BCAS3: variants seen among roughly 807,000 people sequenced by gnomAD.
BCAS3 encodes BCAS4/BCAS3 fusion.
BCAS3 carries 53 observed loss-of-function variants against 116.1 expected under a neutral mutation model. The ratio of observed to expected loss-of-function variants is 0.46; its 90% CI spans 0.37 to 0.57. BCAS3 has a LOEUF of 0.57. BCAS3 is among the 20% of genes least tolerant of loss of function. BCAS3 has a pLI of 0.00. For missense variants in BCAS3, 917 were observed against 1,165.4 expected (o/e 0.79, Z 3.10); for synonymous variants, 391 against 408.2 (o/e 0.96, Z 0.51).
intron 6 of BCAS3, among the ~76,000 whole-genome samples, chr17:60,755,043 A>C (rs567273460): frequency 6.6e-6 from 1 of 152,296 alleles, no homozygotes; most frequent in South Asian, 2.1e-4. Context: ...TAACTTGAGA[A>C]CATATGTTGT....
At chr17:60,753,170 A>G (rs953018083) in intron 6 of BCAS3, among the ~76,000 whole-genome samples, 4 of 152,118 alleles carry the variant, frequency 2.6e-5, no homozygotes, top group Non-Finnish European at 4.4e-5. Flanking sequence ...ATTACTAGGG[A>G]AGATAGAAAA....
rs191201076 is a variant in BCAS3, at chr17:61,109,050, G to A, written c.2425+24486G>A. ...AAAATACAAAAATGAGCTGGGCGTGGTAGTACATGCCTGTAATCCCAGCTA... is the reference window on the plus strand; with the variant it reads ...AAAATACAAAAATGAGCTGGGCGTGATAGTACATGCCTGTAATCCCAGCTA... On this transcript the variant is annotated intron_variant, in intron 22 of 23. Coordinates refer to ENST00000407086, the MANE Select transcript of BCAS3 (RefSeq NM_017679.5). Among the ~76,000 whole-genome samples, 603 of 152,154 alleles carry A rather than the reference G, an allele frequency of 4.0e-3. 4 individuals carry two copies. Among genetic ancestry groups the A allele is most frequent in the African/African-American group, 0.014 (587 of 41,504 alleles).
intron 5 of BCAS3, among the ~76,000 whole-genome samples, chr17:60,718,247 A>G (rs2038859592): frequency 6.6e-6 from 1 of 151,430 alleles, no homozygotes; most frequent in African/African-American, 2.4e-5. Context: ...TTAAAATTTT[A>G]CTATACTTTT....
In BCAS3 at chr17:61,214,581, C is replaced by G. The variant is rs1032834278; in HGVS notation, c.2425+130017C>G. Among the ~76,000 whole-genome samples the G allele has an allele frequency of 2.0e-5, 3 of 151,268 alleles. No individual in the cohort carries two copies. The highest frequency in any genetic ancestry group is 6.6e-5 in the Admixed American group (1 of 15,186). On this transcript the variant is annotated intron_variant, in intron 22 of 23. Coordinates refer to ENST00000407086, the MANE Select transcript of BCAS3 (RefSeq NM_017679.5). The surrounding 1 kb of genome is among the most constrained non-coding windows in gnomAD (Gnocchi z 4.4). ...CGGCGGGCGCCTGTAGTCCCAGCTA[C>G]TCCGGAGGCTGAGGCAGAAGAACAG...
chr17:61,156,449 C>A lies in BCAS3; in HGVS notation c.2425+71885C>A, dbSNP rs527828019. ...AAAATGAGATAGAGAAATGGAAATA[C>A]GTGCTTTGTGGAGGATCCTGTTTTC... On this transcript the variant is annotated intron_variant, in intron 22 of 23. Coordinates refer to ENST00000407086, the MANE Select transcript of BCAS3 (RefSeq NM_017679.5). This position sits in a 1 kb window ranked among gnomAD's most constrained non-coding sequence, Gnocchi z 4.7. Among the ~76,000 whole-genome samples, 4 of 152,092 alleles carry A rather than the reference C, an allele frequency of 2.6e-5. No homozygotes were observed. Among genetic ancestry groups the A allele is most frequent in the African/African-American group, 9.7e-5 (4 of 41,400 alleles).
At position 61,286,555 on chromosome 17, in the gene BCAS3, A is replaced by G. The variant is rs1290994048; in HGVS notation, c.2426-81772A>G. ...GCTGCTTGGTGCACGACCAAAAAGT[A>G]ACATGTCAGAATAGGGATTTTCACA... On this transcript the variant is annotated intron_variant, in intron 22 of 23. Transcript: ENST00000407086. This position sits in a 1 kb window ranked among gnomAD's most constrained non-coding sequence, Gnocchi z 4.8. Among the ~76,000 whole-genome samples the G allele has an allele frequency of 6.6e-6, 1 of 152,160 alleles. No individual in the cohort carries two copies. The highest frequency in any genetic ancestry group is 2.4e-5 in the African/African-American group (1 of 41,442).
chr17:60,687,077 A>G (rs949634014), intron 3 of BCAS3, among the ~76,000 whole-genome samples: 2 of 152,202 alleles, frequency 1.3e-5, no homozygotes, highest in Non-Finnish European at 2.9e-5. Flanking sequence ...GACACCTACA[A>G]TGATTATAGC....
rs1235084073 is a variant in BCAS3 at position 61,220,154 on chromosome 17, C to T, written c.2425+135590C>T. Among the ~76,000 whole-genome samples, 5 of 151,988 alleles carry T rather than the reference C, an allele frequency of 3.3e-5. No individual in the cohort carries two copies. Among genetic ancestry groups the T allele is most frequent in the African/African-American group, 9.7e-5 (4 of 41,380 alleles). ...ACTAATAATACAAAAATTAGCCAGG[C>T]GTGGTGGCAGGCGCCTCTAATCCCA... On this transcript the variant is annotated intron_variant, in intron 22 of 23. Coordinates refer to ENST00000407086, the MANE Select transcript of BCAS3 (RefSeq NM_017679.5). This position sits in a 1 kb window ranked among gnomAD's most constrained non-coding sequence, Gnocchi z 4.5.
chr17:61,292,231 AC>A (rs2052485469), intron 22 of BCAS3, among the ~76,000 whole-genome samples: 1 of 151,748 alleles, frequency 6.6e-6, no homozygotes, highest in African/African-American at 2.4e-5. Context: ...ATGAGTTCCA[AC>A]CCCACCCCAC....
At chr17:60,934,138 A>G (rs2059802013) in intron 13 of BCAS3, among the ~76,000 whole-genome samples, 1 of 152,200 alleles carries the variant, frequency 6.6e-6, no homozygotes. Flanking sequence ...TTTTAAGTTA[A>G]TAGAATGGAG....
rs1219785720 is a variant in BCAS3 at position 61,355,222 on chromosome 17, C to T, written c.2426-13105C>T. The T allele has an allele frequency of 1.3e-5, 2 of 152,252 alleles. No individual in the cohort carries two copies. 9.4% of individuals were successfully genotyped at this position (152,252 alleles called of 1,614,324 possible). ...GTATATTGGGTTTCACATCTGAAAT[C>T]CAGTCATGATAAATCTGGTTTTTGA... On this transcript the variant is annotated intron_variant, in intron 22 of 23. Coordinates refer to ENST00000407086, the MANE Select transcript of BCAS3 (RefSeq NM_017679.5). This position sits in a 1 kb window ranked among gnomAD's most constrained non-coding sequence, Gnocchi z 4.2.
Position 61,387,500 on chromosome 17 carries a change from G to A in BCAS3, c.2594-4477G>A, listed in dbSNP as rs1343552612. Among the ~76,000 whole-genome samples the A allele has an allele frequency of 6.6e-6, 1 of 152,340 alleles. No homozygotes were observed. Among genetic ancestry groups the A allele is most frequent in the East Asian group, 1.9e-4 (1 of 5,184 alleles). ...TTGCTTTTTTTTCACCCTGAGAACA[G>A]TAGTGCCAAGGATCCGGCTGTCTCA... On this transcript the variant is annotated intron_variant, in intron 23 of 23. Coordinates refer to ENST00000407086, the MANE Select transcript of BCAS3 (RefSeq NM_017679.5). The surrounding 1 kb of genome is among the most constrained non-coding windows in gnomAD (Gnocchi z 6.2).
intron 21 of BCAS3, 108 bp downstream of exon 21, chr17:61,078,637 TTGCAGACTACA>T (rs1187419471): frequency 7.7e-6 from 7 of 914,688 alleles, no homozygotes; most frequent in Non-Finnish European, 1.2e-5. Flanking sequence ...CAGTATCATG[TTGCAGACTACA>T]TGTACTGTTG....
At chr17:60,811,412 G>A in intron 7 of BCAS3, 1 of 615,762 alleles carries the variant, frequency 1.6e-6, no homozygotes, top group Non-Finnish European at 3.0e-6. Context: ...CAGGATAGTG[G>A]ATGGCAAAGT....
At chr17:61,011,670 C>T (rs1476360943) in intron 15 of BCAS3, among the ~76,000 whole-genome samples, 4 of 152,014 alleles carry the variant, frequency 2.6e-5, no homozygotes, top group African/African-American at 9.7e-5. Flanking sequence ...AGACACTATC[C>T]TCAGGAGTAT....
intron 16 of BCAS3, among the ~76,000 whole-genome samples, chr17:61,025,362 G>A (rs1337937522): frequency 6.6e-6 from 1 of 151,920 alleles, no homozygotes; most frequent in Non-Finnish European, 1.5e-5. Flanking sequence ...CTGTTATCTA[G>A]GAGCTTATCG....
chr17:61,036,636 GAC>G (rs2067057282), intron 17 of BCAS3, among the ~76,000 whole-genome samples: 1 of 152,160 alleles, frequency 6.6e-6, no homozygotes, highest in Non-Finnish European at 1.5e-5. Context: ...TGATTCGCCT[GAC>G]ACAGAGATAA....
intron 16 of BCAS3, chr17:61,027,043 A>C: frequency 1.4e-6 from 1 of 719,944 alleles, no homozygotes; most frequent in South Asian, 2.2e-5. Context: ...TAATTTGTAG[A>C]TGGAACATGA....
chr17:60,831,740 G>T (rs2050955028), intron 7 of BCAS3, among the ~76,000 whole-genome samples: 2 of 144,576 alleles, frequency 1.4e-5, no homozygotes, highest in Non-Finnish European at 3.1e-5. Flanking sequence ...TTGGCGGTGG[G>T]TTTTTTTTTT....
Sources: gnomAD v4.1 joint callset for allele counts (sites outside exome capture counted in the v4.1 genomes callset) on GRCh38, gnomAD v4.1.1 for gene constraint, Gnocchi (gnomAD v3.1) non-coding constraint, MANE v1.5 for transcripts, NCBI Gene and HGNC (gene_info 2026-07-23, HGNC 2026-07-21) for gene names.